The following SPOCK3 variants were observed in gnomAD, a reference collection of about 807,000 sequenced individuals.
SPOCK3 encodes testican-3.
SPOCK3 carries 30 observed loss-of-function variants against 56.6 expected under a neutral mutation model. The observed-to-expected ratio is 0.53, with a 90% CI of 0.40 to 0.72. The LOEUF (loss-of-function observed/expected upper bound fraction) is 0.72, where lower values mean the gene tolerates loss of function less well. SPOCK3 is among the 30% of genes least tolerant of loss of function. The probability of loss-of-function intolerance (pLI) is 0.00; values close to 1 mark genes in which losing one functional copy is unlikely to be tolerated. For missense variants in SPOCK3, 527 were observed against 530.0 expected (o/e 0.99, Z 0.06); for synonymous variants, 196 against 183.3 (o/e 1.07, Z -0.56).
chr4:167,116,859 T>C (rs1291287782), intron 2 of SPOCK3, among the ~76,000 whole-genome samples: 1 of 142,056 alleles, frequency 7.0e-6, no homozygotes, highest in African/African-American at 2.6e-5. Flanking sequence ...ATATATACTT[T>C]TGTATATAGA....
intron 6 of SPOCK3, among the ~76,000 whole-genome samples, chr4:166,854,779 C>A (rs1650347634): frequency 6.6e-6 from 1 of 152,056 alleles, no homozygotes; most frequent in Admixed American, 6.6e-5. Context: ...GAGCTGTTGA[C>A]AAAACTCACA....
At chr4:166,896,437 A>T (rs1244854608) in intron 5 of SPOCK3, among the ~76,000 whole-genome samples, 1 of 152,152 alleles carries the variant, frequency 6.6e-6, no homozygotes, top group African/African-American at 2.4e-5. Context: ...AAATCCAGAA[A>T]GCTTTGGGCC....
At chr4:166,864,957 A>C (rs543122569) in intron 6 of SPOCK3, among the ~76,000 whole-genome samples, 5 of 152,284 alleles carry the variant, frequency 3.3e-5, no homozygotes, top group African/African-American at 1.2e-4. Flanking sequence ...CCCTGATACC[A>C]AAACCTGGCA....
intron 2 of SPOCK3, among the ~76,000 whole-genome samples, chr4:167,075,053 T>A (rs566503046): frequency 1.3e-5 from 2 of 151,932 alleles, no homozygotes; most frequent in Non-Finnish European, 2.9e-5. Context: ...TACTGTTAAC[T>A]AAAGTCGCCC....
At position 167,194,008 on chromosome 4, in the gene SPOCK3, C is replaced by A. The variant is rs567309378; in HGVS notation, c.189+39977G>T. Among the ~76,000 whole-genome samples, 16 of 152,230 alleles carry A rather than the reference C, an allele frequency of 1.1e-4. No homozygotes were observed. The South Asian group carries it at 3.3e-3, about 32-fold the overall frequency. Reference sequence around the variant, plus strand: ...ATTACATAATGTGTATATTAATTTGCTTTTTGGTATCCGATAGGTCCAGTA... The same window carrying A: ...ATTACATAATGTGTATATTAATTTGATTTTTGGTATCCGATAGGTCCAGTA... On this transcript the variant is annotated intron_variant, in intron 2 of 10. Transcript: ENST00000357545.
At chr4:167,109,420 A>AATATATATATGATAAATATATATTT (rs1760675079) in intron 2 of SPOCK3, among the ~76,000 whole-genome samples, 1 of 91,896 alleles carries the variant, frequency 1.1e-5, no homozygotes, top group African/African-American at 4.4e-5. Context: ...TATATATATA[A>AATATATATATGATAAATATATATTT]ATATATATAT....
intron 6 of SPOCK3, among the ~76,000 whole-genome samples, chr4:166,816,280 T>C (rs1744365694): frequency 6.6e-6 from 1 of 152,104 alleles, no homozygotes; most frequent in Admixed American, 6.6e-5. Context: ...GTTCACAGAT[T>C]CTATTTCAAC....
At chr4:166,843,121 G>GTGCCCAC in intron 6 of SPOCK3, among the ~76,000 whole-genome samples, 1 of 152,256 alleles carries the variant, frequency 6.6e-6, no homozygotes, top group East Asian at 1.9e-4. Context: ...TGCGGGGCCC[G>GTGCCCAC]CCAAGCCCGT....
chr4:166,778,399 A>C (rs1297584349), intron 7 of SPOCK3, among the ~76,000 whole-genome samples: 2 of 152,182 alleles, frequency 1.3e-5, no homozygotes, highest in African/African-American at 4.8e-5. Flanking sequence ...TGAAAGCAAA[A>C]TCTGGGTAAA....
chr4:166,869,055 A>G (rs1732175586), intron 6 of SPOCK3, among the ~76,000 whole-genome samples: 1 of 152,096 alleles, frequency 6.6e-6, no homozygotes, highest in Non-Finnish European at 1.5e-5. Flanking sequence ...GTTTTCATTA[A>G]TTATTCAGAA....
intron 4 of SPOCK3, among the ~76,000 whole-genome samples, chr4:166,927,388 A>C (rs1484739449): frequency 1.3e-5 from 2 of 152,002 alleles, no homozygotes; most frequent in Non-Finnish European, 2.9e-5. Flanking sequence ...CTTCTCTCTC[A>C]TTCTCTCTTG....
intron 6 of SPOCK3, among the ~76,000 whole-genome samples, chr4:166,881,793 C>T (rs1012748838): frequency 6.6e-6 from 1 of 152,104 alleles, no homozygotes; most frequent in African/African-American, 2.4e-5. Flanking sequence ...TGATGCTAAA[C>T]TTCAAATATT....
intron 4 of SPOCK3, among the ~76,000 whole-genome samples, chr4:166,993,117 T>A (rs1747977528): frequency 6.6e-6 from 1 of 152,104 alleles, no homozygotes; most frequent in African/African-American, 2.4e-5. Flanking sequence ...TATACAGGCT[T>A]CAAAGCCAGT....
At chr4:166,738,031 C>T (rs1734393728) in intron 9 of SPOCK3, among the ~76,000 whole-genome samples, 1 of 152,182 alleles carries the variant, frequency 6.6e-6, no homozygotes, top group Admixed American at 6.5e-5. Flanking sequence ...CCCAAATGTT[C>T]ATTCCTATAT....
intron 2 of SPOCK3, among the ~76,000 whole-genome samples, chr4:167,086,494 A>AATC (rs1363997684): frequency 1.3e-5 from 2 of 152,094 alleles, no homozygotes; most frequent in East Asian, 3.9e-4. Flanking sequence ...GATGAGTCTG[A>AATC]ACATGGTTCT....
rs531887896 is a variant in SPOCK3 at position 167,182,482 on chromosome 4, GA to G, written c.189+51502del. 1.2e-3 allele frequency among the ~76,000 whole-genome samples: 163 copies of G among 141,120 alleles called. 2 individuals carry two copies. The highest frequency in any genetic ancestry group is 3.1e-3 in the African/African-American group (121 of 38,760). The allele number at this position is 141,120 out of a possible 152,430, so 92.6% of individuals were successfully genotyped here. ...ATTTGGAAGAAGTCAGAAGTCAATG[GA>G]AAAAAAAAATATGCAATCATAAAAA... On this transcript the variant is annotated intron_variant, in intron 2 of 10. Coordinates refer to ENST00000357545, the MANE Select transcript of SPOCK3 (RefSeq NM_001040159.2).
chr4:167,035,666 T>C (rs6854001), intron 3 of SPOCK3, among the ~76,000 whole-genome samples: 54,986 of 151,976 alleles, frequency 0.36, 12,329 homozygotes, highest in African/African-American at 0.64. Context: ...ATTGTTTCCC[T>C]GTCTTTTTCC....
At chr4:167,173,160 C>T (rs945770701) in intron 2 of SPOCK3, among the ~76,000 whole-genome samples, 8 of 152,022 alleles carry the variant, frequency 5.3e-5, no homozygotes, top group Non-Finnish European at 8.8e-5. Context: ...GGATGAAAGG[C>T]GAGAAATGGA....
In SPOCK3 at chr4:167,068,341, CTAA is replaced by C. The variant is rs1040405907; in HGVS notation, c.190-5807_190-5805del. ...CAATTTTATTTTCTGAAAATTGAAACTAATAATAATGTTGTTAAGCTTTGTAAA... is the reference window on the plus strand; with the variant it reads ...CAATTTTATTTTCTGAAAATTGAAACTAATAATGTTGTTAAGCTTTGTAAA... On this transcript the variant is annotated intron_variant, in intron 2 of 10. Transcript: ENST00000357545. Among the ~76,000 whole-genome samples, 121 of 151,638 alleles carry C rather than the reference CTAA, an allele frequency of 8.0e-4. 1 individual carries two copies. The highest frequency in any genetic ancestry group is 2.8e-3 in the African/African-American group (117 of 41,456).
Sources: allele counts gnomAD v4.1 joint callset (sites outside exome capture counted in the v4.1 genomes callset), GRCh38; gene constraint gnomAD v4.1.1; transcripts MANE v1.5; gene names NCBI Gene and HGNC (gene_info 2026-07-23, HGNC 2026-07-21).